The following EXD3 variants were observed in gnomAD, a reference collection of about 807,000 sequenced individuals.
EXD3 encodes exonuclease mut-7 homolog.
Under a neutral mutation model 98.0 loss-of-function variants are expected in EXD3, and 92 were observed. That is an observed-to-expected ratio of 0.94 (90% CI 0.79 to 1.12). The LOEUF is 1.12. Among genes scored for constraint, EXD3 ranks in the 50% most tolerant of loss-of-function variants. The pLI, the probability that EXD3 is intolerant of heterozygous loss-of-function variation, is 0.00. For synonymous variants in EXD3, 569 were observed against 526.0 expected (o/e 1.08, Z -1.12); for missense variants, 1,222 against 1,191.6 (o/e 1.03, Z -0.38).
rs1361352616 is a variant in EXD3, at chr9:137,385,499, A to G, written c.56-2122T>C. ...GCGTTCCTTCCTACACATGGGTTGC[A>G]CTTCACAATAAACAAAAGAGACTTT... On this transcript the variant is annotated intron_variant, in intron 2 of 21. Coordinates refer to ENST00000340951, the MANE Select transcript of EXD3 (RefSeq NM_017820.5). The surrounding 1 kb of genome is among the most constrained non-coding windows in gnomAD (Gnocchi z 4.4). Among the ~76,000 whole-genome samples the G allele has an allele frequency of 6.6e-6, 1 of 152,168 alleles. No homozygotes were observed. Among genetic ancestry groups the G allele is most frequent in the Non-Finnish European group, 1.5e-5 (1 of 68,032 alleles).
intron 3 of EXD3, among the ~76,000 whole-genome samples, chr9:137,375,675 C>T (rs1355271636): frequency 6.6e-6 from 1 of 152,258 alleles, no homozygotes; most frequent in Non-Finnish European, 1.5e-5. Flanking sequence ...AGTTCTAGCT[C>T]TCATGAGTTC....
chr9:137,319,449 T>C (rs2119083034), intron 19 of EXD3, among the ~76,000 whole-genome samples: 1 of 152,296 alleles, frequency 6.6e-6, no homozygotes, highest in South Asian at 2.1e-4. Context: ...ATCAGTGGTG[T>C]TCCCAGCTGC....
chr9:137,388,688 C>T (rs760402752), intron 2 of EXD3, among the ~76,000 whole-genome samples: 6 of 152,272 alleles, frequency 3.9e-5, no homozygotes, highest in East Asian at 1.9e-4. Flanking sequence ...AAGTCTGTGA[C>T]GTGGTCTTCA....
In EXD3 at chr9:137,401,682, G is replaced by C. The variant is rs116169709; in HGVS notation, c.-47-6278C>G. ...TCTGAAGCCACAGCCCGAGCTCTAT[G>C]TTGGCCTCTTTCAGCCACGGCTGGA... On this transcript the variant is annotated intron_variant, in intron 1 of 21. Coordinates refer to ENST00000340951, the MANE Select transcript of EXD3 (RefSeq NM_017820.5). Among the ~76,000 whole-genome samples the C allele has an allele frequency of 3.2e-3, 482 of 152,294 alleles. 4 individuals carry two copies. The highest frequency in any genetic ancestry group is 0.011 in the African/African-American group (455 of 41,550).
intron 5 of EXD3, among the ~76,000 whole-genome samples, chr9:137,372,452 C>T (rs1300282985): frequency 1.3e-5 from 2 of 152,252 alleles, no homozygotes; most frequent in African/African-American, 4.8e-5. Context: ...CGCTCACTGC[C>T]GTGCCGGGGA....
At position 137,373,060 on chromosome 9, in the gene EXD3, G is replaced by A; in HGVS notation, c.307C>T (p.Leu103=). 2 of 1,579,658 alleles carry A rather than the reference G, an allele frequency of 1.3e-6. No individual in the cohort carries two copies. The highest frequency in any genetic ancestry group is 1.7e-6 in the Non-Finnish European group (2 of 1,165,724). ...ACCGCTCGGGCCTGCAGCTGCTTCA[G>A]CCTCAGGCTGTGCTGGAAGAGCAGG... The part of the protein sequence containing the change: ...CPSLAQHSLR[L]KQLQARAVKV... The change falls in exon 5 of 22, where the codon CTG becomes TTG. Residue 103 remains leucine (L), a synonymous_variant. Transcript: ENST00000340951.
chr9:137,320,507 G>A (rs1192998115), intron 19 of EXD3, among the ~76,000 whole-genome samples: 1 of 152,238 alleles, frequency 6.6e-6, no homozygotes, highest in Non-Finnish European at 1.5e-5. Context: ...GCTTGCCACA[G>A]CAGGGGCAGC....
At chr9:137,377,808 T>C (rs1454925005) in intron 3 of EXD3, among the ~76,000 whole-genome samples, 7 of 148,818 alleles carry the variant, frequency 4.7e-5, no homozygotes, top group Admixed American at 6.7e-5. Context: ...TTTTTTTTTT[T>C]CCTGGGACAG....
Position 137,349,149 on chromosome 9 carries a change from G to C in EXD3, c.1791C>G (p.Pro597=). The part of the protein sequence containing the change: ...HRERPGARKP[P]GLQKASAPAA... ...CCGGTGCTGACGCTTTCTGCAGGCC[G>C]GGTGGCTTCCGTGCCCCTGGTCTCT... The change falls in exon 16 of 22, where the codon CCC becomes CCG. Residue 597 remains proline, a synonymous_variant. Transcript: ENST00000340951. This position sits in a 1 kb window ranked among gnomAD's most constrained non-coding sequence, Gnocchi z 7.4. 1 of 1,598,204 alleles carries C rather than the reference G, an allele frequency of 6.3e-7. No homozygotes were observed. The highest frequency in any genetic ancestry group is 8.5e-7 in the Non-Finnish European group (1 of 1,178,140).
At chr9:137,413,261 C>T (rs1051255399) in intron 1 of EXD3, among the ~76,000 whole-genome samples, 7 of 151,746 alleles carry the variant, frequency 4.6e-5, no homozygotes, top group Admixed American at 1.3e-4. Context: ...AGTGCAGTGG[C>T]GTGATCTTGG....
In EXD3 at chr9:137,405,485, G is replaced by A. The variant is rs575955286; in HGVS notation, c.-47-10081C>T. On this transcript the variant is annotated intron_variant, in intron 1 of 21. Coordinates refer to ENST00000340951, the MANE Select transcript of EXD3 (RefSeq NM_017820.5). The surrounding 1 kb of genome is among the most constrained non-coding windows in gnomAD (Gnocchi z 4.1). ...GGCGGCCGTCGCAGGCCACTCACCC[G>A]TCCCCAGCCACTCACCCGTCCCCAG... Among the ~76,000 whole-genome samples, 2 of 152,210 alleles carry A rather than the reference G, an allele frequency of 1.3e-5. No individual in the cohort carries two copies. The highest frequency in any genetic ancestry group is 1.9e-4 in the East Asian group (1 of 5,170).
At chr9:137,399,098 G>T (rs980883676) in intron 1 of EXD3, among the ~76,000 whole-genome samples, 1 of 152,254 alleles carries the variant, frequency 6.6e-6, no homozygotes, top group African/African-American at 2.4e-5. Flanking sequence ...CACGCACACT[G>T]CACCTCCACT....
intron 20 of EXD3, 131 bp from the exon 21 acceptor site, chr9:137,307,777 C>T: frequency 4.0e-6 from 4 of 989,116 alleles, no homozygotes; most frequent in Non-Finnish European, 6.0e-6. Flanking sequence ...ACACACCCCC[C>T]AGCCTTCGCA....
At chr9:137,333,165 C>A (rs1343475871) in intron 17 of EXD3, among the ~76,000 whole-genome samples, 1 of 152,186 alleles carries the variant, frequency 6.6e-6, no homozygotes, top group Non-Finnish European at 1.5e-5. Context: ...ACATCAGACT[C>A]CAAGTTCCTC....
chr9:137,327,236 C>A (rs1832464723), intron 17 of EXD3, among the ~76,000 whole-genome samples: 1 of 151,812 alleles, frequency 6.6e-6, no homozygotes, highest in South Asian at 2.1e-4. Context: ...CGGGTTCACG[C>A]CATTCTCCTG....
rs867696480 is a variant in EXD3, at chr9:137,355,683, G to A, written c.757+585C>T. The stretch of plus-strand genomic sequence containing the variant: ...GAGGAAGGAGAAAGGGAGGATGGAG[G>A]AAGGAGAAAGGGAGGAAGGAGGAAG... On this transcript the variant is annotated intron_variant, in intron 8 of 21. Transcript: ENST00000340951. 1.4e-3 allele frequency among the ~76,000 whole-genome samples: 144 copies of A among 101,966 alleles called. 1 individual carries two copies. Among genetic ancestry groups the A allele is most frequent in the Non-Finnish European group, 1.7e-3 (81 of 46,348 alleles). 66.9% of individuals were successfully genotyped at this position (101,966 alleles called of 152,430 possible).
intron 1 of EXD3, among the ~76,000 whole-genome samples, chr9:137,417,969 CG>C (rs1325055208): frequency 2.0e-5 from 3 of 152,110 alleles, no homozygotes; most frequent in Non-Finnish European, 4.4e-5. Context: ...GGGTGAGCCT[CG>C]GGGACGCACG....
At chr9:137,336,255 G>A (rs961515025) in intron 17 of EXD3, among the ~76,000 whole-genome samples, 3 of 152,166 alleles carry the variant, frequency 2.0e-5, no homozygotes, top group African/African-American at 7.2e-5. Flanking sequence ...ATTCATCCAT[G>A]TAACCAAATG....
chr9:137,348,029 C>T (rs145788389), intron 17 of EXD3, 42 bp downstream of exon 17: 1 of 1,583,314 alleles, frequency 6.3e-7, no homozygotes, highest in Non-Finnish European at 8.6e-7. Flanking sequence ...CTAGGGGCAG[C>T]TGCACCTTGG....
Sources: allele counts gnomAD v4.1 joint callset (sites outside exome capture counted in the v4.1 genomes callset), GRCh38; gene constraint gnomAD v4.1.1; non-coding constraint Gnocchi (gnomAD v3.1); transcripts MANE v1.5; gene names NCBI Gene and HGNC (gene_info 2026-07-23, HGNC 2026-07-21).